Variants in CARNMT1 observed in about 807,000 individuals in gnomAD.
CARNMT1 encodes carnosine N-methyltransferase 1.
Under a neutral mutation model 49.6 loss-of-function variants are expected in CARNMT1, and 28 were observed. That is an observed-to-expected ratio of 0.56 (90% CI 0.42 to 0.77). The LOEUF is 0.77. CARNMT1 is among the 30% of genes least tolerant of loss of function. The probability of loss-of-function intolerance (pLI) is 0.00; values close to 1 mark genes in which losing one functional copy is unlikely to be tolerated. For missense variants in CARNMT1, 421 were observed against 512.6 expected (o/e 0.82, Z 1.73); for synonymous variants, 178 against 175.0 (o/e 1.02, Z -0.13).
intron 3 of CARNMT1, among the ~76,000 whole-genome samples, chr9:75,011,735 G>C (rs1208307200): frequency 6.6e-6 from 1 of 152,146 alleles, no homozygotes. Flanking sequence ...TTGCTGGCTT[G>C]ATGAAGTGGT....
intron 6 of CARNMT1, among the ~76,000 whole-genome samples, chr9:74,995,449 A>T (rs1463028560): frequency 6.6e-6 from 1 of 152,178 alleles, no homozygotes; most frequent in African/African-American, 2.4e-5. Context: ...AAAATTTCCC[A>T]AGGTAACTAC....
chr9:74,998,877 T>C (rs904102784), intron 4 of CARNMT1, 101 bp from the exon 5 acceptor site: 3 of 634,822 alleles, frequency 4.7e-6, no homozygotes, highest in African/African-American at 3.7e-5. Flanking sequence ...GATTTGCATA[T>C]ATAATTAATA....
intron 3 of CARNMT1, 106 bp downstream of exon 3, chr9:75,016,162 G>A (rs992884647): frequency 3.8e-6 from 3 of 799,842 alleles, no homozygotes; most frequent in Non-Finnish European, 6.1e-6. Flanking sequence ...AAAACATACA[G>A]GCACACAGCA....
chr9:74,999,359 A>T (rs540654996), intron 4 of CARNMT1, among the ~76,000 whole-genome samples: 1 of 152,234 alleles, frequency 6.6e-6, no homozygotes, highest in East Asian at 1.9e-4. Flanking sequence ...AGAAAAAGTT[A>T]TAATTGCTAA....
intron 1 of CARNMT1, among the ~76,000 whole-genome samples, chr9:75,021,643 C>T (rs1316061538): frequency 6.6e-6 from 1 of 151,364 alleles, no homozygotes; most frequent in African/African-American, 2.4e-5. Context: ...TTCCGTTTTG[C>T]TTAACACAAA....
intron 6 of CARNMT1, among the ~76,000 whole-genome samples, chr9:74,990,928 G>C: frequency 6.6e-6 from 1 of 152,122 alleles, no homozygotes; most frequent in East Asian, 1.9e-4. Flanking sequence ...ATGTACTGTA[G>C]GCTGTTTGTA....
At chr9:74,999,443 T>A (rs1350604238) in intron 4 of CARNMT1, among the ~76,000 whole-genome samples, 1 of 152,200 alleles carries the variant, frequency 6.6e-6, no homozygotes, top group Admixed American at 6.5e-5. Context: ...TACTCCTTCC[T>A]GGTTCATACT....
chr9:74,985,038 T>C (rs552923911), intron 6 of CARNMT1, 28 bp from the exon 7 acceptor site: 36 of 1,498,628 alleles, frequency 2.4e-5, no homozygotes, highest in Non-Finnish European at 3.3e-5. Flanking sequence ...TATGAATTAC[T>C]TGAATATAAA....
At position 74,998,674 on chromosome 9, in the gene CARNMT1, A is replaced by G. The variant is rs763480322; in HGVS notation, c.834T>C (p.Val278=). 1.2e-6 allele frequency: 2 copies of G among 1,609,476 alleles called. No homozygotes were observed. Among genetic ancestry groups the G allele is most frequent in the South Asian group, 2.2e-5 (2 of 90,490 alleles). ...AACCAGGAGGAAGACTGTGGGGGTC[A>G]ACATCAGGGAAAAAGATGGGTCGAA... The part of the protein sequence containing the change: ...DQIRPIFFPD[V]DPHSLPPGSN... Residue 278 remains valine, a synonymous_variant, in exon 5 of 8, where the codon GTT becomes GTC. Coordinates refer to ENST00000376834, the MANE Select transcript of CARNMT1 (RefSeq NM_152420.3).
intron 3 of CARNMT1, 60 bp from the exon 4 acceptor site, chr9:74,999,930 T>C: frequency 6.6e-7 from 1 of 1,513,490 alleles, no homozygotes; most frequent in Non-Finnish European, 8.9e-7. Flanking sequence ...AAAGACAAAA[T>C]CCACATTAAC....
At chr9:75,005,806 A>C (rs1035057840) in intron 3 of CARNMT1, among the ~76,000 whole-genome samples, 13 of 146,702 alleles carry the variant, frequency 8.9e-5, no homozygotes, top group African/African-American at 3.0e-4. Flanking sequence ...TTCAATTAGA[A>C]AAGGCCTTCA....
chr9:75,008,285 T>C (rs1197022478), intron 3 of CARNMT1, among the ~76,000 whole-genome samples: 1 of 150,752 alleles, frequency 6.6e-6, no homozygotes, highest in East Asian at 2.0e-4. Context: ...TGGCCACGGG[T>C]TGGACAAGTT....
chr9:75,009,275 G>A (rs1322603643), intron 3 of CARNMT1, among the ~76,000 whole-genome samples: 1 of 151,672 alleles, frequency 6.6e-6, no homozygotes, highest in Non-Finnish European at 1.5e-5. Flanking sequence ...GCCCAGGCTG[G>A]GGTGCAGTGG....
At chr9:75,024,062 C>T (rs1822453677) in intron 1 of CARNMT1, among the ~76,000 whole-genome samples, 1 of 152,172 alleles carries the variant, frequency 6.6e-6, no homozygotes, top group Non-Finnish European at 1.5e-5. Flanking sequence ...CAGCAGTGAC[C>T]TCAACTCTGA....
At chr9:74,986,122 G>C (rs1242092072) in intron 6 of CARNMT1, among the ~76,000 whole-genome samples, 2 of 152,022 alleles carry the variant, frequency 1.3e-5, no homozygotes, top group African/African-American at 4.8e-5. Flanking sequence ...ATATACCTCA[G>C]GCTAATCTAG....
At chr9:74,998,559 T>A (rs753695083) in intron 5 of CARNMT1, 39 bp downstream of exon 5, 1 of 1,459,970 alleles carries the variant, frequency 6.8e-7, no homozygotes, top group Middle Eastern at 1.8e-4. Context: ...AAATTTAGAA[T>A]AAAGGACAAG....
intron 1 of CARNMT1, among the ~76,000 whole-genome samples, chr9:75,023,157 A>G (rs1445704018): frequency 6.6e-6 from 1 of 151,752 alleles, no homozygotes; most frequent in African/African-American, 2.4e-5. Flanking sequence ...AAAAAAAGAA[A>G]AAGAAATTAA....
chr9:74,984,795 T>G (rs1255073186), intron 7 of CARNMT1, 112 bp downstream of exon 7: 2 of 693,930 alleles, frequency 2.9e-6, no homozygotes, highest in African/African-American at 1.8e-5. Context: ...TTATCTTCCC[T>G]TTATAGATAA....
rs181629707 is a variant in CARNMT1 at position 74,988,641 on chromosome 9, A to C, written c.1025-3631T>G. On this transcript the variant is annotated intron_variant, in intron 6 of 7. Transcript: ENST00000376834. ...AGACTTCTAGAAGTATAATTAATCT[A>C]ATAAACATAGGTAATAGTGGATTAA... Among the ~76,000 whole-genome samples the C allele has an allele frequency of 4.1e-4, 63 of 152,316 alleles. No homozygotes were observed. The East Asian group carries it at 0.012, about 29-fold the overall frequency.
Sources: allele counts gnomAD v4.1 joint callset (sites outside exome capture counted in the v4.1 genomes callset), GRCh38; gene constraint gnomAD v4.1.1; transcripts MANE v1.5; gene names NCBI Gene and HGNC (gene_info 2026-07-23, HGNC 2026-07-21).